The following MAGEB10 variants were observed in gnomAD, a reference collection of about 807,000 sequenced individuals.
The protein encoded by MAGEB10 is MAGE family member B10.
For synonymous variants in MAGEB10, 99 were observed against 101.0 expected (o/e 0.98, Z 0.12); for missense variants, 190 against 261.9 (o/e 0.73, Z 1.89).
rs1602864734 is a variant in MAGEB10, at chrX:27,817,660, A to G, written c.-92A>G. The G allele has an allele frequency of 9.0e-6, 1 of 111,062 alleles. No homozygotes were observed. The allele number at this position is 111,062 out of a possible 1,213,427, so 9.2% of individuals were successfully genotyped here. ...AGCAATCCTCCCACCTCAGCCTTTCAAGCAGCTAGGAGTACAGTTGGGAGC... is the reference window on the plus strand; with the variant it reads ...AGCAATCCTCCCACCTCAGCCTTTCGAGCAGCTAGGAGTACAGTTGGGAGC... On this transcript the variant is annotated 5_prime_UTR_variant, in exon 2 of 3. Transcript: ENST00000356790.
In MAGEB10 at chrX:27,822,461, T is replaced by A; in HGVS notation, c.*111T>A. 1 of 741,846 alleles carries A rather than the reference T, an allele frequency of 1.3e-6. No homozygotes were observed. Among genetic ancestry groups the A allele is most frequent in the Non-Finnish European group, 1.9e-6 (1 of 523,145 alleles). 61.1% of individuals were successfully genotyped at this position (741,846 alleles called of 1,213,427 possible). A position where few individuals can be genotyped will look rare whatever the true frequency, so the allele number is the denominator to read the frequency against. ...AGTGAATAATATGTTTGTGTTAATG[T>A]TCTATGTGATGGCTTGGAATTTTTG... is the stretch of plus-strand genomic sequence containing the variant. On this transcript the variant is annotated 3_prime_UTR_variant, in exon 3 of 3. Transcript: ENST00000356790.
At chrX:27,818,184 G>A (rs983085666) in intron 2 of MAGEB10, among the ~76,000 whole-genome samples, 3 of 110,699 alleles carry the variant, frequency 2.7e-5, no homozygotes, top group African/African-American at 9.9e-5. Flanking sequence ...GCTACCCTGC[G>A]TCAATTAATA....
Position 27,821,767 on chromosome X carries a change from G to C in MAGEB10, c.461G>C (p.Ser154Thr). ...MSKSQFPVIL[S>T]RASEHLELIF... ...AAGAGCCAGTTCCCTGTAATCCTGA[G>C]CAGAGCTTCTGAGCACCTGGAGCTG... The change falls in exon 3 of 3, where the codon AGC (serine) becomes ACC (threonine). Residue 154 changes from serine to threonine, a missense_variant. By Grantham distance (58) the Ser-to-Thr change is moderately conservative. Transcript: ENST00000356790. The C allele has an allele frequency of 1.7e-6, 2 of 1,211,949 alleles. No homozygotes were observed. The highest frequency in any genetic ancestry group is 2.2e-6 in the Non-Finnish European group (2 of 895,604).
chrX:27,810,538 C>T (rs1178186886), intron 1 of MAGEB10, among the ~76,000 whole-genome samples: 2 of 111,454 alleles, frequency 1.8e-5, no homozygotes, highest in East Asian at 5.7e-4. Context: ...CCTGTAAGTT[C>T]TGGGAGGTCC....
At chrX:27,808,331 C>T (rs1923586714) in intron 1 of MAGEB10, among the ~76,000 whole-genome samples, 1 of 111,437 alleles carries the variant, frequency 9.0e-6, no homozygotes, top group African/African-American at 3.3e-5. Flanking sequence ...GATATACTTC[C>T]TAGAGGAGGA....
At position 27,821,593 on chromosome X, in the gene MAGEB10, G is replaced by A. The variant is rs1186802548; in HGVS notation, c.287G>A (p.Cys96Tyr). 2.5e-6 allele frequency: 3 copies of A among 1,210,506 alleles called. No individual in the cohort carries two copies. The highest frequency in any genetic ancestry group is 1.1e-6 in the Non-Finnish European group (1 of 894,893). Reference protein sequence around the residue: ...VNDQMEERPICTQDLEATDSF... With the variant: ...VNDQMEERPIYTQDLEATDSF... Reference sequence around the variant, plus strand: ...GACCAAATGGAAGAAAGGCCAATATGCACACAAGATCTAGAAGCCACTGAT... The same window carrying A: ...GACCAAATGGAAGAAAGGCCAATATACACACAAGATCTAGAAGCCACTGAT... The change falls in exon 3 of 3, where the codon TGC (cysteine) becomes TAC (tyrosine). Residue 96 changes from cysteine (C) to tyrosine (Y), a missense_variant. By Grantham distance (194) the Cys-to-Tyr change is radical. Coordinates refer to ENST00000356790, the MANE Select transcript of MAGEB10 (RefSeq NM_182506.3).
At position 27,822,310 on chromosome X, in the gene MAGEB10, G is replaced by A. The variant is rs757273668; in HGVS notation, c.1004G>A (p.Arg335His). The change falls in exon 3 of 3, where the codon CGT (arginine) becomes CAT (histidine). Residue 335 changes from arginine to histidine, a missense_variant. Coordinates refer to ENST00000356790, the MANE Select transcript of MAGEB10 (RefSeq NM_182506.3). The stretch of plus-strand genomic sequence containing the variant: ...CGCGTTAGTGCCACAGCCGGTGCAC[G>A]TTCCAAGGTTAAGTCCAGCAAGTCC... ...KARVSATAGA[R>H]SKVKSSKSSQ... The A allele has an allele frequency of 7.4e-6, 9 of 1,210,532 alleles. No individual in the cohort carries two copies. In the Middle Eastern group the frequency reaches 6.9e-4, roughly 93 times the overall value.
intron 1 of MAGEB10, among the ~76,000 whole-genome samples, chrX:27,813,808 G>T (rs1220571390): frequency 1.8e-5 from 2 of 112,045 alleles, no homozygotes; most frequent in African/African-American, 6.5e-5. Flanking sequence ...GAATGAAGAA[G>T]TGCTTTTAGC....
chrX:27,821,335 G>A lies in MAGEB10; in HGVS notation c.29G>A (p.Arg10His), dbSNP rs747007080. The change falls in exon 3 of 3, where the codon CGT becomes CAT. Residue 10 changes from arginine to histidine, a missense_variant. Arg to His is a conservative substitution (Grantham distance 29). Transcript: ENST00000356790. MPRGQKSKL[R>H]AREKRRQARG... The stretch of plus-strand genomic sequence containing the variant: ...CCTCGAGGTCAGAAGAGTAAACTCC[G>A]TGCCAGGGAAAAACGCCGTCAGGCC... The A allele has an allele frequency of 4.1e-5, 49 of 1,209,459 alleles. No homozygotes were observed. Among genetic ancestry groups the A allele is most frequent in the Non-Finnish European group, 5.4e-5 (48 of 894,758 alleles).
intron 1 of MAGEB10, among the ~76,000 whole-genome samples, chrX:27,815,062 T>G (rs1923757509): frequency 9.0e-6 from 1 of 111,636 alleles, no homozygotes; most frequent in Non-Finnish European, 1.9e-5. Context: ...GGAGCTGATT[T>G]TGCCCAGGTG....
chrX:27,810,175 C>T (rs1420852349), intron 1 of MAGEB10, among the ~76,000 whole-genome samples: 1 of 111,569 alleles, frequency 9.0e-6, no homozygotes, highest in Non-Finnish European at 1.9e-5. Flanking sequence ...AAGCTTTGTT[C>T]TTTCACTCTT....
chrX:27,810,006 G>T (rs1377790464), intron 1 of MAGEB10, among the ~76,000 whole-genome samples: 1 of 110,509 alleles, frequency 9.0e-6, no homozygotes, highest in Non-Finnish European at 1.9e-5. Flanking sequence ...CTAGCTCAGG[G>T]ATTGTAAATG....
chrX:27,809,289 T>C (rs1923608229), intron 1 of MAGEB10, among the ~76,000 whole-genome samples: 1 of 107,635 alleles, frequency 9.3e-6, no homozygotes, highest in African/African-American at 3.4e-5. Context: ...GGGCCAGTAG[T>C]TGCTGTGCTC....
chrX:27,812,715 G>A (rs1159912800), intron 1 of MAGEB10: 2 of 367,910 alleles, frequency 5.4e-6, no homozygotes, highest in African/African-American at 5.1e-5. Flanking sequence ...GCGTCCACGA[G>A]CCTATGCTGA....
At chrX:27,814,116 C>T (rs1413458860) in intron 1 of MAGEB10, among the ~76,000 whole-genome samples, 1 of 111,474 alleles carries the variant, frequency 9.0e-6, no homozygotes, top group Non-Finnish European at 1.9e-5. Context: ...GATACATGTG[C>T]AGAATGTGCA....
At chrX:27,819,103 C>T (rs970994923) in intron 2 of MAGEB10, among the ~76,000 whole-genome samples, 1 of 111,071 alleles carries the variant, frequency 9.0e-6, no homozygotes, top group African/African-American at 3.3e-5. Flanking sequence ...ATGTTAGGCC[C>T]AGAAGCCTCC....
In MAGEB10 at chrX:27,821,832, C is replaced by A; in HGVS notation, c.526C>A (p.His176Asn). 1 of 1,211,631 alleles carries A rather than the reference C, an allele frequency of 8.3e-7. No individual in the cohort carries two copies. The highest frequency in any genetic ancestry group is 2.3e-4 in the Middle Eastern group (1 of 4,355). Reference sequence around the variant, plus strand: ...CCTGAAGGAAGTGGAGCCTAATAAGCACATCTATGTCCTTGTCAACAAACT... The same window carrying A: ...CCTGAAGGAAGTGGAGCCTAATAAGAACATCTATGTCCTTGTCAACAAACT... ...LDLKEVEPNK[H>N]IYVLVNKLDL... Residue 176 changes from histidine to asparagine, a missense_variant, in exon 3 of 3, where the codon CAC becomes AAC. Coordinates refer to ENST00000356790, the MANE Select transcript of MAGEB10 (RefSeq NM_182506.3).
chrX:27,819,502 A>T (rs1275045776), intron 2 of MAGEB10, among the ~76,000 whole-genome samples: 3 of 111,376 alleles, frequency 2.7e-5, no homozygotes, highest in Admixed American at 9.5e-5. Context: ...CTTAACTGAG[A>T]TCTGAGGACT....
At chrX:27,820,719 G>A (rs780891840) in intron 2 of MAGEB10, among the ~76,000 whole-genome samples, 3 of 111,066 alleles carry the variant, frequency 2.7e-5, no homozygotes, top group Non-Finnish European at 5.7e-5. Flanking sequence ...GAAGTCCCAG[G>A]GCCTAGCAGA....
Sources: gnomAD v4.1 joint callset for allele counts (sites outside exome capture counted in the v4.1 genomes callset) on GRCh38, gnomAD v4.1.1 for gene constraint, MANE v1.5 for transcripts, NCBI Gene and HGNC (gene_info 2026-07-23, HGNC 2026-07-21) for gene names.